Variants in SSH2 observed in about 807,000 individuals in gnomAD.
The protein encoded by SSH2 is protein phosphatase Slingshot homolog 2.
Under a neutral mutation model 135.2 loss-of-function variants are expected in SSH2, and 37 were observed. The ratio of observed to expected loss-of-function variants is 0.27; its 90% CI spans 0.21 to 0.36. The LOEUF (loss-of-function observed/expected upper bound fraction) is 0.36, where lower values mean the gene tolerates loss of function less well. Ranked by LOEUF, SSH2 falls within the 10% of genes least tolerant of loss-of-function variation. The probability of loss-of-function intolerance (pLI) is 1.00; values close to 1 mark genes in which losing one functional copy is unlikely to be tolerated. For synonymous variants in SSH2, 628 were observed against 646.2 expected (o/e 0.97, Z 0.43); for missense variants, 1,408 against 1,765.3 (o/e 0.80, Z 3.63).
intron 9 of SSH2, among the ~76,000 whole-genome samples, chr17:29,668,426 T>C (rs2037361682): frequency 6.6e-6 from 1 of 152,240 alleles, no homozygotes; most frequent in African/African-American, 2.4e-5. Context: ...ATAATTTCAG[T>C]CTTCCATTAA....
At chr17:29,837,588 C>A (rs1000903466) in intron 2 of SSH2, among the ~76,000 whole-genome samples, 3 of 152,180 alleles carry the variant, frequency 2.0e-5, no homozygotes, top group Non-Finnish European at 4.4e-5. Flanking sequence ...ACCACCCCCA[C>A]CCTCGCACGG....
At chr17:29,818,941 C>G (rs1599042672) in intron 2 of SSH2, among the ~76,000 whole-genome samples, 1 of 151,772 alleles carries the variant, frequency 6.6e-6, no homozygotes, top group African/African-American at 2.4e-5. Flanking sequence ...AAAAAGGCAC[C>G]AGTGGCCAGG....
rs768101591 is a variant in SSH2 at position 29,677,779 on chromosome 17, T to C, written c.480-38A>G. 5.8e-5 allele frequency: 88 copies of C among 1,528,614 alleles called. 2 individuals are homozygous for C. In the South Asian group the frequency reaches 9.8e-4, roughly 17 times the overall value. 94.7% of individuals were successfully genotyped at this position (1,528,614 alleles called of 1,614,324 possible). A position where few individuals can be genotyped will look rare whatever the true frequency, so the allele number is the denominator to read the frequency against. On this transcript the variant is annotated intron_variant, in intron 6 of 15. Transcript: ENST00000540801. ...AAGTAGTCCAATAGTTACTCCCCAT[T>C]ACTCTGGGAAGCAGTCTTCTGTTTA...
chr17:29,921,460 A>T (rs2066974847), intron 1 of SSH2, among the ~76,000 whole-genome samples: 1 of 152,246 alleles, frequency 6.6e-6, no homozygotes, highest in Non-Finnish European at 1.5e-5. Context: ...CTTAAAAGTG[A>T]TCATATCCTT....
At chr17:29,635,635 C>A (rs2035882885) in intron 15 of SSH2, among the ~76,000 whole-genome samples, 1 of 151,958 alleles carries the variant, frequency 6.6e-6, no homozygotes. Flanking sequence ...GTTTCGATCT[C>A]CTGACCTTGT....
At chr17:29,845,347 T>A (rs2043114119) in intron 2 of SSH2, among the ~76,000 whole-genome samples, 1 of 152,024 alleles carries the variant, frequency 6.6e-6, no homozygotes. Flanking sequence ...ACAAAGAAGC[T>A]CTTCAATTCC....
At chr17:29,860,906 C>T (rs1435216615) in intron 1 of SSH2, among the ~76,000 whole-genome samples, 2 of 151,376 alleles carry the variant, frequency 1.3e-5, no homozygotes, top group South Asian at 2.1e-4. Context: ...CCATGACGCC[C>T]GGCTAATTTT....
chr17:29,805,295 A>G (rs1481620899), intron 2 of SSH2, among the ~76,000 whole-genome samples: 2 of 151,870 alleles, frequency 1.3e-5, no homozygotes, highest in African/African-American at 2.4e-5. Flanking sequence ...ATTTGGGACA[A>G]CAGGTGCCAC....
chr17:29,677,733 C>G lies in SSH2; in HGVS notation c.488G>C (p.Cys163Ser). The change falls in exon 7 of 16, where the codon TGT becomes TCT. Residue 163 changes from cysteine (C) to serine (S), a missense_variant. Cys to Ser is a moderately radical substitution (Grantham distance 112). This residue lies in a region of SSH2 where 222 missense variants were observed against 355.6 expected (regional missense o/e 0.62). Coordinates refer to ENST00000540801, the MANE Select transcript of SSH2 (RefSeq NM_001282129.2). ...GAGAGGCAAAACTAAGCCCATGGTA[C>G]AAGTGCTACTGCAAGACAAGAAGTA... ...MDFSSNDSST[C>S]TMGLVLPLWS... is the part of the protein sequence containing the mutation. The G allele has an allele frequency of 1.2e-6, 2 of 1,613,912 alleles. No individual in the cohort carries two copies. Among genetic ancestry groups the G allele is most frequent in the Non-Finnish European group, 1.7e-6 (2 of 1,179,788 alleles).
intron 2 of SSH2, 92 bp downstream of exon 2, chr17:29,848,757 G>A (rs887391964): frequency 3.0e-5 from 22 of 745,638 alleles, no homozygotes; most frequent in Middle Eastern, 3.6e-4. Context: ...TAAAATAATA[G>A]GCACTATATC....
intron 2 of SSH2, among the ~76,000 whole-genome samples, chr17:29,833,226 C>G (rs2042879394): frequency 1.3e-5 from 2 of 152,138 alleles, no homozygotes; most frequent in South Asian, 4.1e-4. Flanking sequence ...TCATCTCTCT[C>G]TTTCACTCTA....
chr17:29,877,072 G>C (rs896657209), intron 1 of SSH2, among the ~76,000 whole-genome samples: 2 of 152,052 alleles, frequency 1.3e-5, no homozygotes, highest in Non-Finnish European at 2.9e-5. Flanking sequence ...GACTTGAATA[G>C]ACATTTCTCA....
At chr17:29,864,384 A>G (rs2065818378) in intron 1 of SSH2, 1 of 151,704 alleles carries the variant, frequency 6.6e-6, no homozygotes, top group Non-Finnish European at 1.5e-5. Flanking sequence ...AAGGTTACAC[A>G]CTCCAAATTC....
chr17:29,653,152 T>C (rs987602611), intron 12 of SSH2, among the ~76,000 whole-genome samples: 1 of 152,160 alleles, frequency 6.6e-6, no homozygotes, highest in Non-Finnish European at 1.5e-5. Flanking sequence ...AATGACTCTA[T>C]ACAGAGTAAC....
At position 29,626,837 on chromosome 17, in the gene SSH2, A is replaced by G. The variant is rs2035515337; in HGVS notation, c.*4004T>C. ...GATCTTTTAGTTTGGAAGGGAAAAC[A>G]AAGTCCAAGATGCTTTTAAGTTGGA... On this transcript the variant is annotated 3_prime_UTR_variant, in exon 16 of 16. Coordinates refer to ENST00000540801, the MANE Select transcript of SSH2 (RefSeq NM_001282129.2). 6.6e-6 allele frequency: 1 copy of G among 152,636 alleles called. No individual in the cohort carries two copies. Among genetic ancestry groups the G allele is most frequent in the Admixed American group, 6.5e-5 (1 of 15,282 alleles). 9.5% of individuals were successfully genotyped at this position (152,636 alleles called of 1,614,324 possible).
intron 1 of SSH2, among the ~76,000 whole-genome samples, chr17:29,912,364 T>C (rs2066780925): frequency 6.6e-6 from 1 of 152,218 alleles, no homozygotes; most frequent in East Asian, 1.9e-4. Context: ...TTCCTACTGT[T>C]TAAATTTGGT....
chr17:29,738,111 T>C (rs976268098), intron 3 of SSH2, among the ~76,000 whole-genome samples: 2 of 152,188 alleles, frequency 1.3e-5, no homozygotes, highest in Non-Finnish European at 2.9e-5. Flanking sequence ...GGGTGTGTGA[T>C]GTTCCCCACC....
At chr17:29,887,145 T>A (rs1422574298) in intron 1 of SSH2, among the ~76,000 whole-genome samples, 1 of 152,188 alleles carries the variant, frequency 6.6e-6, no homozygotes, top group Non-Finnish European at 1.5e-5. Flanking sequence ...CCTATCTTAT[T>A]TAATTATATG....
Position 29,632,913 on chromosome 17 carries a change from T to C in SSH2, c.2281A>G (p.Ser761Gly). ...TGAGACTGCATGAAGATGTCTGGGCTGACCAGTTCTGAAATTGCCTAAGAA... is the reference window on the plus strand; with the variant it reads ...TGAGACTGCATGAAGATGTCTGGGCCGACCAGTTCTGAAATTGCCTAAGAA... ...EQSKAISELV[S>G]PDIFMQSHSE... The change falls in exon 16 of 16, where the codon AGC (serine) becomes GGC (glycine). Residue 761 changes from serine to glycine, a missense_variant. Physicochemically the swap from Ser to Gly is moderately conservative, Grantham distance 56. Coordinates refer to ENST00000540801, the MANE Select transcript of SSH2 (RefSeq NM_001282129.2). The C allele has an allele frequency of 6.2e-7, 1 of 1,608,682 alleles. No homozygotes were observed. Among genetic ancestry groups the C allele is most frequent in the Non-Finnish European group, 8.5e-7 (1 of 1,176,876 alleles).
Sources: gnomAD v4.1 joint callset for allele counts (sites outside exome capture counted in the v4.1 genomes callset) on GRCh38, gnomAD v4.1.1 for gene constraint, gnomAD v4.1.1 regional missense constraint, MANE v1.5 for transcripts, NCBI Gene and HGNC (gene_info 2026-07-23, HGNC 2026-07-21) for gene names.